The following KIAA1328 variants were observed in gnomAD, a reference collection of about 807,000 sequenced individuals.
KIAA1328 encodes KIAA1328.
In KIAA1328, 52 loss-of-function variants were observed where a neutral mutation model predicts 68.1. The ratio of observed to expected loss-of-function variants is 0.76; its 90% CI spans 0.61 to 0.96. The LOEUF is 0.96. Among genes scored for constraint, KIAA1328 ranks in the 40% least tolerant of loss-of-function variants. KIAA1328 has a pLI of 0.00. For synonymous variants in KIAA1328, 232 were observed against 239.4 expected (o/e 0.97, Z 0.28); for missense variants, 641 against 677.6 (o/e 0.95, Z 0.60).
chr18:37,156,036 A>C (rs1213397253), intron 7 of KIAA1328, among the ~76,000 whole-genome samples: 1 of 152,094 alleles, frequency 6.6e-6, no homozygotes, highest in African/African-American at 2.4e-5. Context: ...ATATTCCTGA[A>C]TTACTGCATT....
intron 5 of KIAA1328, among the ~76,000 whole-genome samples, chr18:36,950,150 G>A (rs2051100547): frequency 6.6e-6 from 1 of 152,068 alleles, no homozygotes; most frequent in Non-Finnish European, 1.5e-5. Context: ...CAGAAAATGT[G>A]TACTCTTTTT....
chr18:37,024,252 C>T (rs768300932), intron 6 of KIAA1328, among the ~76,000 whole-genome samples: 4 of 152,060 alleles, frequency 2.6e-5, no homozygotes, highest in Middle Eastern at 6.8e-3. Context: ...CTTCCTACCT[C>T]GGACTCCCAA....
intron 6 of KIAA1328, among the ~76,000 whole-genome samples, chr18:36,964,561 C>G (rs1461304852): frequency 6.6e-6 from 1 of 152,130 alleles, no homozygotes; most frequent in Non-Finnish European, 1.5e-5. Flanking sequence ...TCCTTGAAAA[C>G]AAGTTGGCTT....
chr18:36,930,735 A>G (rs1380086569), intron 5 of KIAA1328, among the ~76,000 whole-genome samples: 1 of 151,982 alleles, frequency 6.6e-6, no homozygotes, highest in African/African-American at 2.4e-5. Flanking sequence ...CTGTGCTCCA[A>G]AGTAGATCCT....
At chr18:36,944,527 T>G (rs1271978903) in intron 5 of KIAA1328, among the ~76,000 whole-genome samples, 4 of 151,440 alleles carry the variant, frequency 2.6e-5, no homozygotes, top group Non-Finnish European at 4.4e-5. Flanking sequence ...TGCAGTGAGC[T>G]GGGATCACGC....
At chr18:37,149,534 A>C (rs550528381) in intron 7 of KIAA1328, among the ~76,000 whole-genome samples, 2 of 152,342 alleles carry the variant, frequency 1.3e-5, no homozygotes, top group African/African-American at 4.8e-5. Flanking sequence ...CAATTACAAC[A>C]AAAACAAAAA....
At chr18:37,206,899 A>G (rs138718888) in intron 9 of KIAA1328, among the ~76,000 whole-genome samples, 2,850 of 152,268 alleles carry the variant, frequency 0.019, 46 homozygotes, top group Non-Finnish European at 0.024. Flanking sequence ...ACCTTTGAAA[A>G]TAATAAAGTA....
At chr18:37,026,130 G>T (rs551413833) in intron 6 of KIAA1328, among the ~76,000 whole-genome samples, 1 of 152,188 alleles carries the variant, frequency 6.6e-6, no homozygotes, top group African/African-American at 2.4e-5. Context: ...TAGAAGAAAT[G>T]GATAAATTTC....
At chr18:37,082,620 A>G (rs1010364408) in intron 7 of KIAA1328, among the ~76,000 whole-genome samples, 2 of 152,232 alleles carry the variant, frequency 1.3e-5, no homozygotes, top group Non-Finnish European at 2.9e-5. Context: ...ATAGTAGTTC[A>G]GAATCTTGGG....
chr18:37,097,713 A>G (rs1422160692), intron 7 of KIAA1328, among the ~76,000 whole-genome samples: 4 of 152,156 alleles, frequency 2.6e-5, no homozygotes, highest in Admixed American at 1.3e-4. Flanking sequence ...TGAGCATGGA[A>G]TGTTCTTCCA....
intron 6 of KIAA1328, among the ~76,000 whole-genome samples, chr18:37,060,877 G>A (rs1384481990): frequency 6.6e-6 from 1 of 152,168 alleles, no homozygotes; most frequent in Admixed American, 6.5e-5. Flanking sequence ...CAGCACTTTG[G>A]GAGGCCGAGG....
chr18:36,850,032 A>G (rs1600979333), intron 4 of KIAA1328, among the ~76,000 whole-genome samples: 1 of 152,062 alleles, frequency 6.6e-6, no homozygotes, highest in East Asian at 1.9e-4. Flanking sequence ...TTGCCCATTT[A>G]AAATAAAATT....
chr18:37,117,661 C>T (rs929037550), intron 7 of KIAA1328, among the ~76,000 whole-genome samples: 1 of 151,960 alleles, frequency 6.6e-6, no homozygotes, highest in Non-Finnish European at 1.5e-5. Flanking sequence ...AAATTAAAAA[C>T]ATCATACTTC....
chr18:37,123,160 C>T (rs188904307), intron 7 of KIAA1328, among the ~76,000 whole-genome samples: 6 of 152,222 alleles, frequency 3.9e-5, no homozygotes, highest in African/African-American at 1.4e-4. Context: ...AAAGCATTCT[C>T]ACTTGTTAGT....
At position 37,222,437 on chromosome 18, in the gene KIAA1328, G is replaced by A. The variant is rs187536164; in HGVS notation, c.*210G>A. 4.3e-5 allele frequency: 61 copies of A among 1,408,766 alleles called. No homozygotes were observed. In the Middle Eastern group the frequency reaches 8.0e-4, roughly 18 times the overall value. 87.3% of individuals were successfully genotyped at this position (1,408,766 alleles called of 1,614,324 possible). A position where few individuals can be genotyped will look rare whatever the true frequency, so the allele number is the denominator to read the frequency against. ...ATTCGATAACACACTAAGGGGGTAG[G>A]AATGGAAGATGGTATCTTTTATATG... On this transcript the variant is annotated 3_prime_UTR_variant, in exon 10 of 10. Coordinates refer to ENST00000280020, the MANE Select transcript of KIAA1328 (RefSeq NM_020776.3).
At chr18:36,995,710 T>C (rs1598923222) in intron 6 of KIAA1328, among the ~76,000 whole-genome samples, 5 of 152,344 alleles carry the variant, frequency 3.3e-5, no homozygotes, top group Admixed American at 3.3e-4. Flanking sequence ...CTCAAACCTC[T>C]AGCGGGGCAA....
At chr18:37,229,526 GA>G, downstream of KIAA1328, 1 of 1,264,698 alleles carries the variant, frequency 7.9e-7, no homozygotes, top group South Asian at 1.3e-5. Context: ...ACTGGGGTGG[GA>G]GGGTCATTTT....
At chr18:36,921,860 C>A (rs2049938340) in intron 5 of KIAA1328, among the ~76,000 whole-genome samples, 1 of 152,130 alleles carries the variant, frequency 6.6e-6, no homozygotes, top group Non-Finnish European at 1.5e-5. Context: ...GAACCCACCC[C>A]TAGTACTTGC....
At chr18:36,834,231 A>G in intron 1 of KIAA1328, 89 bp from the exon 2 acceptor site, 1 of 1,280,218 alleles carries the variant, frequency 7.8e-7, no homozygotes. Context: ...GTCAAAAGAA[A>G]TTATGAATTA....
Sources: gnomAD v4.1 joint callset for allele counts (sites outside exome capture counted in the v4.1 genomes callset) on GRCh38, gnomAD v4.1.1 for gene constraint, MANE v1.5 for transcripts, NCBI Gene and HGNC (gene_info 2026-07-23, HGNC 2026-07-21) for gene names.